SDK2: variants seen among roughly 807,000 people sequenced by gnomAD.
SDK2 encodes the protein protein sidekick-2.
In SDK2, 105 loss-of-function variants were observed where a neutral mutation model predicts 253.9. The observed-to-expected ratio is 0.41, with a 90% CI of 0.35 to 0.49. The LOEUF is 0.49. SDK2 is among the 20% of genes least tolerant of loss of function. The pLI is 0.06. For missense variants in SDK2, 2,608 were observed against 3,003.0 expected (o/e 0.87, Z 3.07); for synonymous variants, 1,249 against 1,234.9 (o/e 1.01, Z -0.24).
At position 73,368,544 on chromosome 17, in the gene SDK2, G is replaced by A. The variant is rs772454614; in HGVS notation, c.5030C>T (p.Thr1677Met). ...CACGCTGTTCTCAGCCAGGAAAAGC[G>A]TCTTCACTCGCTCTGTGAGGTTCCC... is the stretch of plus-strand genomic sequence containing the variant. ...QRGNLTERVK[T>M]LFLAENSVKL... Residue 1677 changes from threonine (T) to methionine (M), a missense_variant, in exon 37 of 45, where the codon ACG becomes ATG. This residue lies in a region of SDK2 where 1,103 missense variants were observed against 1,143.9 expected (regional missense o/e 0.96). Transcript: ENST00000392650. 52 of 1,607,784 alleles carry A rather than the reference G, an allele frequency of 3.2e-5. No homozygotes were observed. The highest frequency in any genetic ancestry group is 1.8e-4 in the East Asian group (8 of 44,688).
chr17:73,443,930 G>A lies in SDK2; in HGVS notation c.614-3007C>T, dbSNP rs1354242474. On this transcript the variant is annotated intron_variant, in intron 5 of 44. Transcript: ENST00000392650. The surrounding 1 kb of genome is among the most constrained non-coding windows in gnomAD (Gnocchi z 4.6). ...CCAGGCACCAGAGATTCTCCACCAA[G>A]CGAGATGGCCAGGGTCTGTCCTCAT... Among the ~76,000 whole-genome samples, 1 of 152,192 alleles carries A rather than the reference G, an allele frequency of 6.6e-6. No homozygotes were observed. The highest frequency in any genetic ancestry group is 1.5e-5 in the Non-Finnish European group (1 of 68,020).
chr17:73,380,786 G>T, intron 34 of SDK2, 108 bp downstream of exon 34: 2 of 951,648 alleles, frequency 2.1e-6, no homozygotes, highest in South Asian at 2.8e-5. Flanking sequence ...AAGCCCCCTG[G>T]GGTGGGCACA....
rs188728195 is a variant in SDK2 at position 73,538,780 on chromosome 17, C to A, written c.65-31183G>T. ...CACCCAGTGTATGCCACAGCCATTT[C>A]GTCTCAGCCTGAAGAGGCTAGGAGT... On this transcript the variant is annotated intron_variant, in intron 1 of 44. Transcript: ENST00000392650. Among the ~76,000 whole-genome samples the A allele has an allele frequency of 6.9e-4, 105 of 152,288 alleles. 2 individuals are homozygous for A. The highest frequency in any genetic ancestry group is 1.2e-4 in the Non-Finnish European group (8 of 68,024).
At chr17:73,346,645 T>C (rs2062487339) in intron 44 of SDK2, among the ~76,000 whole-genome samples, 7 of 152,152 alleles carry the variant, frequency 4.6e-5, no homozygotes. Flanking sequence ...CATCACATCA[T>C]ATGTGTTTGT....
intron 3 of SDK2, among the ~76,000 whole-genome samples, chr17:73,457,270 CCT>C (rs1176479309): frequency 0.012 from 712 of 57,948 alleles, 34 homozygotes; most frequent in East Asian, 0.094. Flanking sequence ...TTCCTTCCTT[CCT>C]TCCTTCCTTC....
At chr17:73,340,209 A>G (rs1275923468) in intron 44 of SDK2, among the ~76,000 whole-genome samples, 2 of 152,234 alleles carry the variant, frequency 1.3e-5, no homozygotes, top group Admixed American at 6.5e-5. Context: ...CACATAACCG[A>G]AAGTGAACCA....
At chr17:73,488,144 T>C (rs2063781641) in intron 2 of SDK2, among the ~76,000 whole-genome samples, 1 of 152,138 alleles carries the variant, frequency 6.6e-6, no homozygotes. Context: ...GCCTCCCAAG[T>C]AGCTGGGACT....
chr17:73,387,235 C>T (rs560808693), intron 30 of SDK2, among the ~76,000 whole-genome samples: 45 of 152,318 alleles, frequency 3.0e-4, no homozygotes, highest in African/African-American at 9.9e-4. Flanking sequence ...GCTGGGATTC[C>T]GGGCGTAAGC....
chr17:73,513,059 G>C (rs967558352), intron 1 of SDK2, among the ~76,000 whole-genome samples: 2 of 151,396 alleles, frequency 1.3e-5, no homozygotes, highest in South Asian at 4.2e-4. Flanking sequence ...CAATGTACTC[G>C]CCAAGTACTT....
chr17:73,487,069 G>C (rs905442585), intron 2 of SDK2, among the ~76,000 whole-genome samples: 2 of 152,154 alleles, frequency 1.3e-5, no homozygotes, highest in African/African-American at 4.8e-5. Flanking sequence ...GAGTAGCTGG[G>C]ACTACAGGCA....
At chr17:73,586,373 C>G (rs1422699122) in intron 1 of SDK2, among the ~76,000 whole-genome samples, 1 of 152,118 alleles carries the variant, frequency 6.6e-6, no homozygotes, top group Non-Finnish European at 1.5e-5. Flanking sequence ...GCTCCACTTC[C>G]CTCCTCCTTC....
At chr17:73,563,599 C>T (rs1235350231) in intron 1 of SDK2, among the ~76,000 whole-genome samples, 2 of 152,042 alleles carry the variant, frequency 1.3e-5, no homozygotes, top group Non-Finnish European at 2.9e-5. Flanking sequence ...ATCTTTGTGC[C>T]CTTTTGTAAT....
chr17:73,423,173 C>T (rs553089899), intron 14 of SDK2, among the ~76,000 whole-genome samples: 35 of 152,356 alleles, frequency 2.3e-4, no homozygotes, highest in African/African-American at 7.2e-4. Flanking sequence ...CTGAGTTAAG[C>T]ACCTTTTGTG....
At chr17:73,440,363 C>A (rs1312437423) in intron 6 of SDK2, among the ~76,000 whole-genome samples, 1 of 152,126 alleles carries the variant, frequency 6.6e-6, no homozygotes, top group Non-Finnish European at 1.5e-5. Flanking sequence ...GCCTCAGCCT[C>A]CCAAAGTGCT....
chr17:73,471,830 A>G (rs1461787237), intron 3 of SDK2, among the ~76,000 whole-genome samples: 1 of 152,130 alleles, frequency 6.6e-6, no homozygotes, highest in African/African-American at 2.4e-5. Flanking sequence ...AATGAATGAA[A>G]AGCACCAGGG....
At position 73,515,311 on chromosome 17, in the gene SDK2, C is replaced by T. The variant is rs183764552; in HGVS notation, c.65-7714G>A. 3.1e-3 allele frequency among the ~76,000 whole-genome samples: 467 copies of T among 152,204 alleles called. 4 individuals are homozygous for T. The highest frequency in any genetic ancestry group is 0.011 in the African/African-American group (437 of 41,526). ...GTAGCACCAGGGGTGGTGAGAGGGA[C>T]GGGGGACATTCAAGGAGGTTGGTGG... On this transcript the variant is annotated intron_variant, in intron 1 of 44. Transcript: ENST00000392650.
chr17:73,427,674 A>T (rs946707831), intron 12 of SDK2, among the ~76,000 whole-genome samples: 2 of 150,704 alleles, frequency 1.3e-5, no homozygotes, highest in Non-Finnish European at 3.0e-5. Context: ...CTAGACACAG[A>T]TCTTACACCC....
chr17:73,603,754 C>T (rs1300038797), intron 1 of SDK2, among the ~76,000 whole-genome samples: 5 of 152,212 alleles, frequency 3.3e-5, no homozygotes, highest in Non-Finnish European at 5.9e-5. Context: ...AGAAAGTTGC[C>T]AGGGGTCACA....
At chr17:73,458,398 G>A (rs12232483) in intron 3 of SDK2, among the ~76,000 whole-genome samples, 86,098 of 152,076 alleles carry the variant, frequency 0.57, 24,883 homozygotes, top group East Asian at 0.85. Flanking sequence ...AGAAAGGCCC[G>A]TCTGGCTCTC....
Sources: allele counts gnomAD v4.1 joint callset (sites outside exome capture counted in the v4.1 genomes callset), GRCh38; gene constraint gnomAD v4.1.1; regional missense constraint gnomAD v4.1.1; non-coding constraint Gnocchi (gnomAD v3.1); transcripts MANE v1.5; gene names NCBI Gene and HGNC (gene_info 2026-07-23, HGNC 2026-07-21).